The following CDYL variants were observed in gnomAD, a reference collection of about 807,000 sequenced individuals.
CDYL encodes chromodomain Y like, also known as chromodomain Y-like protein.
CDYL carries 8 observed loss-of-function variants against 47.3 expected under a neutral mutation model. That is an observed-to-expected ratio of 0.17 (90% CI 0.10 to 0.31). CDYL has a LOEUF of 0.31. Among genes scored for constraint, CDYL ranks in the 10% least tolerant of loss-of-function variants. The pLI, the probability that CDYL is intolerant of heterozygous loss-of-function variation, is 1.00. For missense variants in CDYL, 471 were observed against 701.4 expected, an observed-to-expected ratio of 0.67 and a Z score of 3.71; for synonymous variants, 266 against 265.0, an observed-to-expected ratio of 1.00 and a Z score of -0.04.
At chr6:4,860,254 T>C (rs1236978533) in intron 1 of CDYL, among the ~76,000 whole-genome samples, 1 of 152,080 alleles carries the variant, frequency 6.6e-6, no homozygotes, top group East Asian at 1.9e-4. Context: ...GAAAAACTTT[T>C]GAACTGTGAC....
At chr6:4,733,982 G>T (rs1392135122) in intron 2 of CDYL, among the ~76,000 whole-genome samples, 1 of 151,872 alleles carries the variant, frequency 6.6e-6, no homozygotes, top group East Asian at 1.9e-4. Context: ...CACCCAAGTA[G>T]CTAGGATTAC....
chr6:4,804,273 G>C (rs1225803593), intron 1 of CDYL, among the ~76,000 whole-genome samples: 4 of 152,142 alleles, frequency 2.6e-5, no homozygotes. Flanking sequence ...CACGAGAATG[G>C]TGGGCCTGAG....
At chr6:4,925,373 A>T (rs184437146) in intron 2 of CDYL, among the ~76,000 whole-genome samples, 133 of 143,254 alleles carry the variant, frequency 9.3e-4, no homozygotes, top group Admixed American at 3.0e-3. Flanking sequence ...TAGATTTGTT[A>T]TGCGTCTGTC....
At chr6:4,767,017 A>G (rs1214550179) in intron 3 of CDYL, among the ~76,000 whole-genome samples, 2 of 152,058 alleles carry the variant, frequency 1.3e-5, no homozygotes, top group African/African-American at 2.4e-5. Context: ...AAAATTAACA[A>G]GAAAGAAAAA....
chr6:4,800,159 T>C (rs895308316), intron 1 of CDYL, among the ~76,000 whole-genome samples: 6 of 152,188 alleles, frequency 3.9e-5, no homozygotes, highest in Non-Finnish European at 8.8e-5. Flanking sequence ...AAAGTAATTA[T>C]TAATATGGTT....
chr6:4,927,059 C>T (rs552946824), intron 2 of CDYL, among the ~76,000 whole-genome samples: 1 of 152,278 alleles, frequency 6.6e-6, no homozygotes, highest in Admixed American at 6.5e-5. Flanking sequence ...GTGTCAGGTG[C>T]ACGTGTGCCA....
At chr6:4,760,493 G>A (rs899623918) in intron 3 of CDYL, among the ~76,000 whole-genome samples, 5 of 152,146 alleles carry the variant, frequency 3.3e-5, no homozygotes. Flanking sequence ...AAAGACACTG[G>A]TTCATCATGG....
At chr6:4,926,422 T>G (rs73348393) in intron 2 of CDYL, among the ~76,000 whole-genome samples, 3,455 of 152,326 alleles carry the variant, frequency 0.023, 146 homozygotes, top group African/African-American at 0.078. Context: ...ACAACAGTGG[T>G]CATTAATATC....
chr6:4,723,461 G>A (rs1326942521), intron 2 of CDYL, among the ~76,000 whole-genome samples: 1 of 152,134 alleles, frequency 6.6e-6, no homozygotes, highest in Non-Finnish European at 1.5e-5. Flanking sequence ...GCTATTTACA[G>A]AGGTGTGGGC....
chr6:4,868,964 A>G (rs1436903816), intron 1 of CDYL, among the ~76,000 whole-genome samples: 1 of 151,978 alleles, frequency 6.6e-6, no homozygotes, highest in African/African-American at 2.4e-5. Flanking sequence ...GTCACTTCTT[A>G]TGGTTATTGT....
chr6:4,736,252 A>G (rs1329547428), intron 3 of CDYL, among the ~76,000 whole-genome samples: 1 of 152,234 alleles, frequency 6.6e-6, no homozygotes, highest in East Asian at 1.9e-4. Flanking sequence ...TGATGAGTAT[A>G]AAGGTATTTT....
At chr6:4,820,841 G>A (rs1437865417) in intron 1 of CDYL, among the ~76,000 whole-genome samples, 1 of 152,182 alleles carries the variant, frequency 6.6e-6, no homozygotes, top group Non-Finnish European at 1.5e-5. Flanking sequence ...AGGCAGAGCG[G>A]CAGCCTGCAG....
chr6:4,930,967 G>A lies in CDYL; in HGVS notation c.692-4548G>A, dbSNP rs142289199. Among the ~76,000 whole-genome samples, 972 of 152,228 alleles carry A rather than the reference G, an allele frequency of 6.4e-3. 6 individuals carry two copies. Among genetic ancestry groups the A allele is most frequent in the Admixed American group, 0.012 (182 of 15,304 alleles). On this transcript the variant is annotated intron_variant, in intron 2 of 6. Coordinates refer to ENST00000397588, the MANE Select transcript of CDYL (RefSeq NM_004824.4). ...TTCCACAGTTTGGGGTGAGGGGGGC[G>A]GTTTTTTTCTGAATCTCAGTGTTTA... is the stretch of plus-strand genomic sequence containing the variant.
intron 1 of CDYL, among the ~76,000 whole-genome samples, chr6:4,833,431 T>C (rs1760204770): frequency 6.6e-6 from 1 of 152,062 alleles, no homozygotes; most frequent in East Asian, 1.9e-4. Flanking sequence ...CACTGTGGTC[T>C]GAGAGATAGT....
Position 4,892,158 on chromosome 6 carries a change from G to T in CDYL, c.470G>T (p.Gly157Val). 6.2e-7 allele frequency: 1 copy of T among 1,614,222 alleles called. No individual in the cohort carries two copies. Among genetic ancestry groups the T allele is most frequent in the African/African-American group, 1.3e-5 (1 of 75,074 alleles). The change falls in exon 2 of 7, where the codon GGC becomes GTC. Residue 157 changes from glycine to valine, a missense_variant. Gly to Val is a moderately radical substitution (Grantham distance 109). Transcript: ENST00000397588. ...GTTAAGAGCAGGACCGCAGTGGACG[G>T]CTTTCAGAGCGAGAGCCCTGAGAAA... ...SPVKSRTAVD[G>V]FQSESPEKLD...
chr6:4,815,702 T>C (rs1353238911), intron 1 of CDYL, among the ~76,000 whole-genome samples: 2 of 151,482 alleles, frequency 1.3e-5, no homozygotes, highest in East Asian at 3.9e-4. Context: ...TTACCTTTTT[T>C]TTTTCCCTTG....
intron 2 of CDYL, among the ~76,000 whole-genome samples, chr6:4,900,914 T>G (rs1396531586): frequency 6.8e-6 from 1 of 147,764 alleles, no homozygotes; most frequent in Non-Finnish European, 1.5e-5. Context: ...GGGACTACAC[T>G]GATCTTCTCT....
chr6:4,729,867 A>G (rs1416830289), intron 2 of CDYL, among the ~76,000 whole-genome samples: 3 of 152,142 alleles, frequency 2.0e-5, no homozygotes, highest in Non-Finnish European at 4.4e-5. Flanking sequence ...GCAGTGAGCC[A>G]CGATCACGCT....
chr6:4,869,311 G>T (rs576525843), intron 1 of CDYL, among the ~76,000 whole-genome samples: 1 of 152,062 alleles, frequency 6.6e-6, no homozygotes, highest in Non-Finnish European at 1.5e-5. Flanking sequence ...GGCCAGGCTG[G>T]TCTCAAACTC....
Sources: gnomAD v4.1 joint callset for allele counts (sites outside exome capture counted in the v4.1 genomes callset) on GRCh38, gnomAD v4.1.1 for gene constraint, MANE v1.5 for transcripts, NCBI Gene and HGNC (gene_info 2026-07-23, HGNC 2026-07-21) for gene names.